The following WRN variants were observed in gnomAD, a reference collection of about 807,000 sequenced individuals.
WRN encodes WRN RecQ like helicase.
Under a neutral mutation model 180.7 loss-of-function variants are expected in WRN, and 149 were observed. That is an observed-to-expected ratio of 0.82 (90% CI 0.72 to 0.94). WRN has a LOEUF of 0.94. WRN is among the 40% of genes least tolerant of loss of function. The probability of loss-of-function intolerance (pLI) is 0.00; values close to 1 mark genes in which losing one functional copy is unlikely to be tolerated. For missense variants in WRN, 1,661 were observed against 1,700.1 expected, an observed-to-expected ratio of 0.98 and a Z score of 0.40; for synonymous variants, 548 against 568.9, an observed-to-expected ratio of 0.96 and a Z score of 0.52.
chr8:31,136,397 G>A (rs186623824), intron 24 of WRN, among the ~76,000 whole-genome samples: 1 of 152,346 alleles, frequency 6.6e-6, no homozygotes, highest in African/African-American at 2.4e-5. Context: ...CTGTAGTTGA[G>A]ATTGAGTTAA....
At chr8:31,108,723 A>G (rs905991511) in intron 18 of WRN, among the ~76,000 whole-genome samples, 1 of 152,102 alleles carries the variant, frequency 6.6e-6, no homozygotes, top group Non-Finnish European at 1.5e-5. Context: ...AAAGGAGGCC[A>G]TGAGTTGTCT....
At chr8:31,078,033 A>G (rs1813162891) in intron 8 of WRN, among the ~76,000 whole-genome samples, 1 of 152,176 alleles carries the variant, frequency 6.6e-6, no homozygotes, top group Admixed American at 6.5e-5. Flanking sequence ...AACAGGTTTT[A>G]GGTTACAATA....
Position 31,157,521 on chromosome 8 carries a change from G to A in WRN, c.3973G>A (p.Val1325Ile), listed in dbSNP as rs756510312. 40 of 1,613,870 alleles carry A rather than the reference G, an allele frequency of 2.5e-5. No homozygotes were observed. Among genetic ancestry groups the A allele is most frequent in the Middle Eastern group, 1.6e-4 (1 of 6,084 alleles). Residue 1325 changes from valine (V) to isoleucine (I), a missense_variant, in exon 33 of 35, where the codon GTC becomes ATC. This residue lies in a region of WRN where 1,141 missense variants were observed against 1,149.4 expected (regional missense o/e 0.99). Coordinates refer to ENST00000298139, the MANE Select transcript of WRN (RefSeq NM_000553.6). ...TGCTGATGTTATCCGAAACCCTCCC[G>A]TCAACTCAGGTGAGAGGCATGGCCT... ...IIADVIRNPP[V>I]NSDMSKISLI...
At chr8:31,055,613 GT>G (rs374316077) in intron 1 of WRN, among the ~76,000 whole-genome samples, 10 of 147,208 alleles carry the variant, frequency 6.8e-5, no homozygotes, top group East Asian at 2.0e-4. Context: ...GGGATTGTTT[GT>G]TTTTTTTTTC....
chr8:31,058,312 A>G (rs1166812855), intron 1 of WRN, 60 bp from the exon 2 acceptor site: 12 of 729,990 alleles, frequency 1.6e-5, no homozygotes, highest in South Asian at 8.2e-5. Flanking sequence ...CCTAGGTGTC[A>G]TAACTTACTT....
chr8:31,162,142 A>G (rs1233639007), intron 33 of WRN, among the ~76,000 whole-genome samples: 2 of 151,150 alleles, frequency 1.3e-5, no homozygotes, highest in African/African-American at 4.9e-5. Flanking sequence ...TACTGTAATG[A>G]TTCTTCTTTA....
chr8:31,167,519 A>G (rs1181119088), intron 34 of WRN, among the ~76,000 whole-genome samples: 1 of 152,134 alleles, frequency 6.6e-6, no homozygotes, highest in Non-Finnish European at 1.5e-5. Flanking sequence ...TCGGAGGTAT[A>G]GTTAATGGAT....
chr8:31,061,460 T>C (rs1812480743), intron 3 of WRN, among the ~76,000 whole-genome samples: 1 of 152,078 alleles, frequency 6.6e-6, no homozygotes, highest in African/African-American at 2.4e-5. Flanking sequence ...AGGGTTTTTT[T>C]CTTTCTATTG....
chr8:31,135,071 T>TAACA (rs1443667731), intron 24 of WRN, among the ~76,000 whole-genome samples: 5 of 152,054 alleles, frequency 3.3e-5, no homozygotes, highest in Admixed American at 2.6e-4. Context: ...GGGCTTTTTG[T>TAACA]AGTTTCAGAA....
At chr8:31,141,292 G>A (rs988958285) in intron 24 of WRN, 138 bp from the exon 25 acceptor site, 67 of 1,006,246 alleles carry the variant, frequency 6.7e-5, no homozygotes, top group East Asian at 1.6e-4. Flanking sequence ...GAATGAGCAC[G>A]ATGGGTATAA....
chr8:31,088,186 T>G (rs1394090723), intron 12 of WRN, among the ~76,000 whole-genome samples: 1 of 152,196 alleles, frequency 6.6e-6, no homozygotes, highest in Admixed American at 6.5e-5. Context: ...ATAGCTCTCA[T>G]TTAGAATTAT....
chr8:31,038,757 T>C (rs1378063735), intron 1 of WRN, among the ~76,000 whole-genome samples: 7 of 152,338 alleles, frequency 4.6e-5, no homozygotes, highest in Non-Finnish European at 7.4e-5. Context: ...TTGTATATGG[T>C]GTGAGGTAGG....
At position 31,083,755 on chromosome 8, in the gene WRN, A is replaced by C; in HGVS notation, c.1326A>C (p.Glu442Asp). The change falls in exon 10 of 35, where the codon GAA (glutamate) becomes GAC (aspartate). Residue 442 changes from glutamate (E) to aspartate (D), a missense_variant. Transcript: ENST00000298139. ...NDTSYVIESD[E>D]DLEMEMLKHL... ...CGTCCTATGTAATTGAGAGTGATGA[A>C]GATTTAGAAATGGAGATGCTTAAGG... is the stretch of plus-strand genomic sequence containing the variant. 1 of 1,606,100 alleles carries C rather than the reference A, an allele frequency of 6.2e-7. No homozygotes were observed. Among genetic ancestry groups the C allele is most frequent in the East Asian group, 2.2e-5 (1 of 44,620 alleles).
chr8:31,096,802 T>C lies in WRN; in HGVS notation c.1933T>C (p.Tyr645His). The change falls in exon 17 of 35, where the codon TAC becomes CAC. Residue 645 changes from tyrosine (Y) to histidine (H), a missense_variant. Tyr to His is a moderately conservative substitution (Grantham distance 83, BLOSUM62 2). Around this residue, in one of 3 missense-constraint regions of WRN, gnomAD observed 1,141 missense variants for 1,149.4 expected, o/e 0.99. Coordinates refer to ENST00000298139, the MANE Select transcript of WRN (RefSeq NM_000553.6). ...KYRIVYVTPE[Y>H]CSGNMGLLQQ... Reference sequence around the variant, plus strand: ...CCGGATTGTATACGTAACTCCAGAATACTGTTCAGGTAACATGGGCCTGCT... The same window carrying C: ...CCGGATTGTATACGTAACTCCAGAACACTGTTCAGGTAACATGGGCCTGCT... 1 of 1,612,670 alleles carries C rather than the reference T, an allele frequency of 6.2e-7. No individual in the cohort carries two copies. Among genetic ancestry groups the C allele is most frequent in the Non-Finnish European group, 8.5e-7 (1 of 1,179,546 alleles).
At chr8:31,151,884 A>T (rs558384120) in intron 31 of WRN, among the ~76,000 whole-genome samples, 2 of 150,238 alleles carry the variant, frequency 1.3e-5, no homozygotes, top group Admixed American at 6.6e-5. Flanking sequence ...GTTATTCATG[A>T]GTTTCATTAG....
chr8:31,036,706 T>G (rs1324935586), intron 1 of WRN, among the ~76,000 whole-genome samples: 1 of 152,214 alleles, frequency 6.6e-6, no homozygotes, highest in African/African-American at 2.4e-5. Context: ...TTTTTTAATT[T>G]TTTTATTTTT....
At chr8:31,130,374 AAGATACTT>A (rs960713768) in intron 23 of WRN, among the ~76,000 whole-genome samples, 1 of 152,180 alleles carries the variant, frequency 6.6e-6, no homozygotes, top group African/African-American at 2.4e-5. Context: ...TGCTATTTCA[AAGATACTT>A]ACTCTAAGGA....
chr8:31,150,844 C>T (rs1001852986), intron 31 of WRN, among the ~76,000 whole-genome samples: 2 of 152,210 alleles, frequency 1.3e-5, no homozygotes, highest in Non-Finnish European at 2.9e-5. Context: ...TTAGCATCTT[C>T]TCTAATCTCC....
intron 1 of WRN, among the ~76,000 whole-genome samples, chr8:31,046,452 C>T (rs531074328): frequency 1.3e-5 from 2 of 152,094 alleles, no homozygotes; most frequent in Admixed American, 1.3e-4. Context: ...ACAGTTTCTT[C>T]ATGGGGAAAT....
Sources: allele counts gnomAD v4.1 joint callset (sites outside exome capture counted in the v4.1 genomes callset), GRCh38; gene constraint gnomAD v4.1.1; regional missense constraint gnomAD v4.1.1; transcripts MANE v1.5; gene names NCBI Gene and HGNC (gene_info 2026-07-23, HGNC 2026-07-21).